FHAD1: variants seen among roughly 807,000 people sequenced by gnomAD.
FHAD1 encodes forkhead-associated domain-containing protein 1.
FHAD1 carries 146 observed loss-of-function variants against 191.3 expected under a neutral mutation model. The observed-to-expected ratio is 0.76, with a 90% CI of 0.67 to 0.88. The LOEUF (loss-of-function observed/expected upper bound fraction) is 0.88. Ranked by LOEUF, FHAD1 falls within the 40% of genes least tolerant of loss-of-function variation. The pLI, the probability that FHAD1 is intolerant of heterozygous loss-of-function variation, is 0.00. For missense variants in FHAD1, 1,635 were observed against 1,785.8 expected, an observed-to-expected ratio of 0.92 and a Z score of 1.52; for synonymous variants, 616 against 672.3, an observed-to-expected ratio of 0.92 and a Z score of 1.29.
At chr1:15,294,755 C>T (rs1050471105) in intron 4 of FHAD1, among the ~76,000 whole-genome samples, 2 of 152,106 alleles carry the variant, frequency 1.3e-5, no homozygotes, top group Non-Finnish European at 1.5e-5. Flanking sequence ...ATGCTCTCAG[C>T]AGTTCTCTCC....
intron 6 of FHAD1, 87 bp from the exon 7 acceptor site, chr1:15,308,526 A>G (rs1030309705): frequency 2.0e-6 from 3 of 1,505,320 alleles, no homozygotes; most frequent in Admixed American, 2.3e-5. Flanking sequence ...ACTCAATCTG[A>G]ATCTTTCTGT....
chr1:15,240,972 A>G (rs1250761955), intron 1 of FHAD1, among the ~76,000 whole-genome samples: 2 of 149,620 alleles, frequency 1.3e-5, no homozygotes, highest in Non-Finnish European at 1.5e-5. Context: ...AAAAAAAAAA[A>G]AAAAGAAAGA....
Position 15,360,646 on chromosome 1 carries a change from A to T in FHAD1, c.2905A>T (p.Thr969Ser), listed in dbSNP as rs368483770. 2.3e-4 allele frequency: 364 copies of T among 1,551,840 alleles called. No homozygotes were observed. The highest frequency in any genetic ancestry group is 3.0e-4 in the Non-Finnish European group (345 of 1,147,062). ...CCTCGAAGAGAAACTCCAGAAAGTC[A>T]CTCAGCACCATAAAAAAATAGAAGG... is the stretch of plus-strand genomic sequence containing the variant. ...VSLEEKLQKV[T>S]QHHKKIEGEI... The change falls in exon 22 of 34, where the codon ACT (threonine) becomes TCT (serine). Residue 969 changes from threonine to serine, a missense_variant. Transcript: ENST00000688493.
intron 31 of FHAD1, among the ~76,000 whole-genome samples, chr1:15,387,224 G>A (rs918998963): frequency 1.2e-4 from 19 of 152,104 alleles, no homozygotes; most frequent in African/African-American, 4.6e-4. Context: ...CATCATATCA[G>A]TAGTATTTTA....
At chr1:15,302,086 C>T (rs1226763512) in intron 6 of FHAD1, among the ~76,000 whole-genome samples, 3 of 152,164 alleles carry the variant, frequency 2.0e-5, no homozygotes, top group South Asian at 4.1e-4. Context: ...TTGCACAGCA[C>T]GTGAGAGGTG....
chr1:15,328,029 G>A lies in FHAD1; in HGVS notation c.1558-248G>A, dbSNP rs1459947988. ...GCCTGGGCAACAAGAGTGAAACTCC[G>A]TCGCAAAAAAAAAAAAAAGAAAAGA... is the stretch of plus-strand genomic sequence containing the variant. On this transcript the variant is annotated intron_variant, in intron 12 of 33. Transcript: ENST00000688493. 147 of 200,860 alleles carry A rather than the reference G, an allele frequency of 7.3e-4. 1 individual carries two copies. Among genetic ancestry groups the A allele is most frequent in the African/African-American group, 1.9e-3 (76 of 39,700 alleles). The allele number at this position is 200,860 out of a possible 1,614,324, so 12.4% of individuals were successfully genotyped here.
At chr1:15,250,085 C>T (rs188930072) in intron 1 of FHAD1, among the ~76,000 whole-genome samples, 7 of 152,228 alleles carry the variant, frequency 4.6e-5, no homozygotes, top group African/African-American at 1.2e-4. Context: ...GAGCCAGCCC[C>T]GAGAGTCCGT....
chr1:15,344,394 A>G (rs1175143219), intron 16 of FHAD1, among the ~76,000 whole-genome samples: 3 of 152,194 alleles, frequency 2.0e-5, no homozygotes, highest in Non-Finnish European at 4.4e-5. Flanking sequence ...GTTGTTGACA[A>G]CAATCCCTTG....
chr1:15,279,449 C>T (rs769719043), intron 3 of FHAD1, among the ~76,000 whole-genome samples: 5 of 94,182 alleles, frequency 5.3e-5, no homozygotes, highest in Non-Finnish European at 1.1e-4. Flanking sequence ...AGGGTTACCT[C>T]TCTCGGCTTT....
chr1:15,280,345 T>G (rs1368763812), intron 3 of FHAD1, among the ~76,000 whole-genome samples: 2 of 152,196 alleles, frequency 1.3e-5, no homozygotes, highest in African/African-American at 4.8e-5. Context: ...GCTGATGTGA[T>G]GAAAGATCCT....
intron 2 of FHAD1, among the ~76,000 whole-genome samples, chr1:15,271,596 T>G (rs1167096223): frequency 1.3e-5 from 1 of 74,676 alleles, no homozygotes; most frequent in African/African-American, 5.0e-5. Context: ...GAATAGCTTT[T>G]AAAAAGCAAT....
intron 5 of FHAD1, among the ~76,000 whole-genome samples, chr1:15,297,441 C>T (rs1667322629): frequency 6.6e-6 from 1 of 152,222 alleles, no homozygotes; most frequent in African/African-American, 2.4e-5. Context: ...CCCTAAAGAT[C>T]AGGGCCTGAC....
At chr1:15,298,789 G>C (rs945507224) in intron 5 of FHAD1, among the ~76,000 whole-genome samples, 1 of 152,160 alleles carries the variant, frequency 6.6e-6, no homozygotes, top group Admixed American at 6.5e-5. Context: ...ATCCAACCAC[G>C]TTTCTAAATT....
At chr1:15,240,873 C>T (rs1191033409) in intron 1 of FHAD1, among the ~76,000 whole-genome samples, 1 of 149,138 alleles carries the variant, frequency 6.7e-6, no homozygotes, top group East Asian at 2.0e-4. Context: ...AGAAGAATCG[C>T]TTGAACCTGG....
intron 13 of FHAD1, 62 bp downstream of exon 13, chr1:15,328,491 G>A (rs1679816643): frequency 7.7e-7 from 1 of 1,304,632 alleles, no homozygotes; most frequent in South Asian, 2.2e-5. Flanking sequence ...CGGCTTATTT[G>A]GGAAATTGCC....
In FHAD1 at chr1:15,289,361, C is replaced by T. The variant is rs776706083; in HGVS notation, c.301-38C>T. 5.3e-5 allele frequency: 81 copies of T among 1,535,530 alleles called. No individual in the cohort carries two copies. Among genetic ancestry groups the T allele is most frequent in the South Asian group, 1.3e-4 (11 of 82,994 alleles). On this transcript the variant is annotated intron_variant, in intron 3 of 33. Coordinates refer to ENST00000688493, the MANE Select transcript of FHAD1 (RefSeq NM_001391957.1). The surrounding 1 kb of genome is among the most constrained non-coding windows in gnomAD (Gnocchi z 4.2). ...ACAAAGAAATGGAGACCATCCCAGC[C>T]GGTCATAACCTCCCCTGACCCTTGT...
intron 22 of FHAD1, 149 bp downstream of exon 22, chr1:15,360,852 A>T (rs1396657926): frequency 1.4e-6 from 1 of 703,926 alleles, no homozygotes; most frequent in East Asian, 2.7e-5. Context: ...TTCTTGTTAC[A>T]CAACGATGTC....
At chr1:15,298,345 AAGAGTGATGC>A (rs1444469814) in intron 5 of FHAD1, among the ~76,000 whole-genome samples, 1 of 152,248 alleles carries the variant, frequency 6.6e-6, no homozygotes, top group African/African-American at 2.4e-5. Flanking sequence ...GCAAAGGCAT[AAGAGTGATGC>A]AGTAGACTTT....
At chr1:15,257,084 A>G (rs560006602) in intron 2 of FHAD1, among the ~76,000 whole-genome samples, 2 of 152,364 alleles carry the variant, frequency 1.3e-5, no homozygotes, top group East Asian at 1.9e-4. Flanking sequence ...GCCTGCATCA[A>G]AGTCTTTTTT....
Sources: gnomAD v4.1 joint callset for allele counts (sites outside exome capture counted in the v4.1 genomes callset) on GRCh38, gnomAD v4.1.1 for gene constraint, Gnocchi (gnomAD v3.1) non-coding constraint, MANE v1.5 for transcripts, NCBI Gene and HGNC (gene_info 2026-07-23, HGNC 2026-07-21) for gene names.